The following CTSA variants were observed in gnomAD, a reference collection of about 807,000 sequenced individuals.
CTSA encodes lysosomal protective protein.
A neutral mutation model predicts 66.7 loss-of-function variants in CTSA; 42 were observed. The observed-to-expected ratio is 0.63, with a 90% CI of 0.49 to 0.81. The LOEUF (loss-of-function observed/expected upper bound fraction) is 0.81. CTSA is among the 40% of genes least tolerant of loss of function. CTSA has a pLI of 0.00. For synonymous variants in CTSA, 225 were observed against 248.6 expected (o/e 0.91, Z 0.89); for missense variants, 525 against 610.9 (o/e 0.86, Z 1.48).
In CTSA at chr20:45,898,422, C is replaced by G; in HGVS notation, c.1415C>G (p.Ser472Cys). Residue 472 changes from serine (S) to cysteine (C), a missense_variant, in exon 15 of 15, where the codon TCC becomes TGC. Physicochemically the swap from Ser to Cys is moderately radical, Grantham distance 112. Around this residue, in one of 3 missense-constraint regions of CTSA, gnomAD observed 274 missense variants for 321.1 expected, o/e 0.85. Transcript: ENST00000646241. The surrounding 1 kb of genome is among the most constrained non-coding windows in gnomAD (Gnocchi z 4.6). ...CCCCTCGCTGCCTTCACCATGTTCT[C>G]CCGCTTCCTGAACAAGCAGCCATAC... ...DKPLAAFTMF[S>C]RFLNKQPY 1 of 1,614,056 alleles carries G rather than the reference C, an allele frequency of 6.2e-7. No individual in the cohort carries two copies.
At chr20:45,897,332 C>A in intron 12 of CTSA, 1 of 524,588 alleles carries the variant, frequency 1.9e-6, no homozygotes, top group Non-Finnish European at 3.4e-6. Flanking sequence ...GGGAGGAGAC[C>A]TTGCACAAGG....
At position 45,894,628 on chromosome 20, in the gene CTSA, G is replaced by A. The variant is rs6094225; in HGVS notation, c.778-22G>A. 1.0e-3 allele frequency: 1,650 copies of A among 1,607,138 alleles called. 14 individuals are homozygous for A. In the African/African-American group the frequency reaches 0.02, roughly 19 times the overall value. On this transcript the variant is annotated intron_variant, in intron 8 of 14. Transcript: ENST00000646241. ...AGAGGCTGGGGATCTGTAAAGCATG[G>A]TGGCTTGGTGTATCATTGCAGCTTC...
rs1263149307 is a variant in CTSA, at chr20:45,892,863, C to A, written c.583C>A (p.Pro195Thr). The A allele has an allele frequency of 1.9e-6, 3 of 1,613,984 alleles. No individual in the cohort carries two copies. Among genetic ancestry groups the A allele is most frequent in the Admixed American group, 3.3e-5 (2 of 59,982 alleles). ...CCTGGCCGTGCTGGTCATGCAGGAT[C>A]CCAGCATGAACCTTCAGGTGCAGGG... is the stretch of plus-strand genomic sequence containing the variant. ...PTLAVLVMQD[P>T]SMNLQGLAVG... Residue 195 changes from proline to threonine, a missense_variant, in exon 6 of 15, where the codon CCC (proline) becomes ACC (threonine). Physicochemically the swap from Pro to Thr is conservative, Grantham distance 38. Coordinates refer to ENST00000646241, the MANE Select transcript of CTSA (RefSeq NM_000308.4).
In CTSA at chr20:45,895,030, C is replaced by G. The variant is rs746428492; in HGVS notation, c.985C>G (p.Pro329Ala). 1.5e-5 allele frequency: 24 copies of G among 1,613,970 alleles called. No individual in the cohort carries two copies. The Admixed American group carries it at 3.2e-4, about 21-fold the overall frequency. Reference sequence around the variant, plus strand: ...CTCAGGGGATAAAGTGCGCATGGACCCCCCCTGCACCAACACAACAGCTGC... The same window carrying G: ...CTCAGGGGATAAAGTGCGCATGGACGCCCCCTGCACCAACACAACAGCTGC... Reference protein sequence around the residue: ...LRSGDKVRMDPPCTNTTAAST... With the variant: ...LRSGDKVRMDAPCTNTTAAST... Residue 329 changes from proline (P) to alanine (A), a missense_variant, in exon 11 of 15, where the codon CCC becomes GCC. Physicochemically the swap from Pro to Ala is conservative, Grantham distance 27. This residue lies in a region of CTSA where 274 missense variants were observed against 321.1 expected (regional missense o/e 0.85). Coordinates refer to ENST00000646241, the MANE Select transcript of CTSA (RefSeq NM_000308.4).
At chr20:45,892,520 C>T in intron 5 of CTSA, 36 bp downstream of exon 5, 1 of 1,594,798 alleles carries the variant, frequency 6.3e-7, no homozygotes, top group East Asian at 2.2e-5. Flanking sequence ...CCCAGGCTCC[C>T]CGGTCCTCCA....
At chr20:45,894,123 A>G (rs1189405723) in intron 8 of CTSA, 51 bp downstream of exon 8, 1 of 1,269,164 alleles carries the variant, frequency 7.9e-7, no homozygotes, top group East Asian at 2.3e-5. Flanking sequence ...TAATCCTGAG[A>G]ACAGGACCAC....
At position 45,898,641 on chromosome 20, in the gene CTSA, T is replaced by C; in HGVS notation, c.*191T>C. On this transcript the variant is annotated 3_prime_UTR_variant, in exon 15 of 15. Transcript: ENST00000646241. The surrounding 1 kb of genome is among the most constrained non-coding windows in gnomAD (Gnocchi z 4.6). ...ACAGCCTGGGGGCAAGTTAGCACTT[T>C]ATTCCCGCAGCAGTTCCTGAATGGG... is the stretch of plus-strand genomic sequence containing the variant. 2 of 705,514 alleles carry C rather than the reference T, an allele frequency of 2.8e-6. No homozygotes were observed. The highest frequency in any genetic ancestry group is 5.4e-5 in the East Asian group (2 of 37,042). The allele number at this position is 705,514 out of a possible 1,614,324, so 43.7% of individuals were successfully genotyped here.
chr20:45,893,908 G>C, intron 7 of CTSA, 80 bp from the exon 8 acceptor site: 2 of 853,702 alleles, frequency 2.3e-6, no homozygotes, highest in Admixed American at 3.4e-5. Context: ...AGGTTGGTGG[G>C]AGGTGGGGGG....
intron 7 of CTSA, 195 bp downstream of exon 7, chr20:45,893,506 A>G (rs1987085670): frequency 3.4e-6 from 2 of 579,952 alleles, no homozygotes; most frequent in Non-Finnish European, 6.1e-6. Flanking sequence ...TTTTTGAGAC[A>G]GATTCTTACT....
At chr20:45,893,482 CTTTCT>C in intron 7 of CTSA, 171 bp downstream of exon 7, 12 of 525,482 alleles carry the variant, frequency 2.3e-5, no homozygotes, top group South Asian at 4.2e-5. Flanking sequence ...GTTTTTCTTT[CTTTCT>C]TTTTTTTTTT....
chr20:45,894,784 C>A (rs1987151653), intron 9 of CTSA, 39 bp from the exon 10 acceptor site: 8 of 1,597,832 alleles, frequency 5.0e-6, no homozygotes, highest in Non-Finnish European at 5.1e-6. Context: ...CCAGCCCCAT[C>A]TGGAGGCTCC....
rs766114836 is a variant in CTSA, at chr20:45,893,994, G to T, written c.699G>T (p.Trp233Cys). 1 of 1,607,126 alleles carries T rather than the reference G, an allele frequency of 6.2e-7. No homozygotes were observed. The highest frequency in any genetic ancestry group is 8.5e-7 in the Non-Finnish European group (1 of 1,174,080). The stretch of plus-strand genomic sequence containing the variant: ...TCACTCTCATCTCCTACAGGCTTTG[G>T]TCTTCTCTCCAGACCCACTGCTGCT... ...YYHGLLGNRL[W>C]SSLQTHCCSQ... The change falls in exon 8 of 15, where the codon TGG becomes TGT. Residue 233 changes from tryptophan (W) to cysteine (C), a missense_variant. By Grantham distance (215) the Trp-to-Cys change is radical (BLOSUM62 -2). Around this residue, in one of 3 missense-constraint regions of CTSA, gnomAD observed 5 missense variants for 22.4 expected, o/e 0.22. Transcript: ENST00000646241.
rs762583163 is a variant in CTSA, at chr20:45,892,921, CTGTGGCCT to C, written c.600+43_600+50del. ...AGGAGGGAAGGGAGGTAGCTTGAGG[CTGTGGCCT>C]TACAGTTAGCAAGGTCAGACTGACT... is the stretch of plus-strand genomic sequence containing the variant. On this transcript the variant is annotated intron_variant, in intron 6 of 14. Transcript: ENST00000646241. The C allele has an allele frequency of 3.6e-5, 58 of 1,610,392 alleles. 1 individual carries two copies. In the South Asian group the frequency reaches 6.2e-4, roughly 17 times the overall value.
In CTSA at chr20:45,895,007, C is replaced by T. The variant is rs781087514; in HGVS notation, c.962C>T (p.Ser321Leu). 6.2e-7 allele frequency: 1 copy of T among 1,614,182 alleles called. No individual in the cohort carries two copies. Among genetic ancestry groups the T allele is most frequent in the East Asian group, 2.2e-5 (1 of 44,876 alleles). ...TGTGCCTTCCAGGCACTGCTGCGCT[C>T]AGGGGATAAAGTGCGCATGGACCCC... is the stretch of plus-strand genomic sequence containing the variant. ...KRMWHQALLRSGDKVRMDPPC... is the reference protein window; with the variant it reads ...KRMWHQALLRLGDKVRMDPPC... Residue 321 changes from serine (S) to leucine (L), a missense_variant, in exon 11 of 15, where the codon TCA becomes TTA. Ser to Leu is a moderately radical substitution (Grantham distance 145). Transcript: ENST00000646241.
Position 45,898,598 on chromosome 20 carries a change from G to A in CTSA, c.*148G>A. ...CAGAGCCCTGTACATCCCAGACTGG[G>A]CCCAGGGTCTCCCATAGACAGCCTG... On this transcript the variant is annotated 3_prime_UTR_variant, in exon 15 of 15. Coordinates refer to ENST00000646241, the MANE Select transcript of CTSA (RefSeq NM_000308.4). This position sits in a 1 kb window ranked among gnomAD's most constrained non-coding sequence, Gnocchi z 4.6. 3.6e-6 allele frequency: 3 copies of A among 828,730 alleles called. No homozygotes were observed. The highest frequency in any genetic ancestry group is 2.0e-5 in the Admixed American group (1 of 49,954). The allele number at this position is 828,730 out of a possible 1,614,324, so 51.3% of individuals were successfully genotyped here.
chr20:45,895,134 G>A lies in CTSA; in HGVS notation c.1088+1G>A, dbSNP rs112245399. Reference sequence around the variant, plus strand: ...AGCTGCCACAATGGGACATGTGCAAGTGAGGTTCCGTGGCCACCTGTGACT... The same window carrying A: ...AGCTGCCACAATGGGACATGTGCAAATGAGGTTCCGTGGCCACCTGTGACT... On this transcript the variant is annotated splice_donor_variant, in intron 11 of 14. Transcript: ENST00000646241. LOFTEE classifies it high-confidence loss of function. 6.2e-7 allele frequency: 1 copy of A among 1,614,128 alleles called. No individual in the cohort carries two copies. The highest frequency in any genetic ancestry group is 8.5e-7 in the Non-Finnish European group (1 of 1,180,010).
chr20:45,893,423 G>T, intron 7 of CTSA, 112 bp downstream of exon 7: 2 of 810,056 alleles, frequency 2.5e-6, no homozygotes, highest in South Asian at 2.7e-5. Context: ...TGAGCAGCAG[G>T]TGGGTTGCAG....
At chr20:45,893,335 A>G (rs868670381) in intron 7 of CTSA, 24 bp downstream of exon 7, 3 of 1,556,860 alleles carry the variant, frequency 1.9e-6, no homozygotes, top group Non-Finnish European at 2.7e-6. Context: ...CAGTTGGGCA[A>G]TCTCTGGGGT....
chr20:45,896,025 T>C (rs1374882731), intron 11 of CTSA, among the ~76,000 whole-genome samples: 1 of 152,038 alleles, frequency 6.6e-6, no homozygotes, highest in Non-Finnish European at 1.5e-5. Flanking sequence ...AGAAACCCCA[T>C]CTCTACTAAA....
Sources: gnomAD v4.1 joint callset for allele counts (sites outside exome capture counted in the v4.1 genomes callset) on GRCh38, gnomAD v4.1.1 for gene constraint, gnomAD v4.1.1 regional missense constraint, Gnocchi (gnomAD v3.1) non-coding constraint, MANE v1.5 for transcripts, NCBI Gene and HGNC (gene_info 2026-07-23, HGNC 2026-07-21) for gene names.